Variants in NFATC2IP observed in about 807,000 individuals in gnomAD.
The protein encoded by NFATC2IP is nuclear factor of activated T cells 2 interacting protein.
In NFATC2IP, 25 loss-of-function variants were observed where a neutral mutation model predicts 40.2. The observed-to-expected ratio is 0.62, with a 90% CI of 0.45 to 0.87. The LOEUF is 0.87. NFATC2IP is among the 40% of genes least tolerant of loss of function. The pLI, the probability that NFATC2IP is intolerant of heterozygous loss-of-function variation, is 0.00. For missense variants in NFATC2IP, 553 were observed against 555.6 expected, an observed-to-expected ratio of 1.00 and a Z score of 0.05; for synonymous variants, 241 against 236.3, an observed-to-expected ratio of 1.02 and a Z score of -0.18.
At position 28,959,012 on chromosome 16, in the gene NFATC2IP, C is replaced by A. The variant is rs1044772728; in HGVS notation, c.1013C>A (p.Ser338Tyr). The change falls in exon 7 of 8, where the codon TCT (serine) becomes TAT (tyrosine). Residue 338 changes from serine to tyrosine, a missense_variant. By Grantham distance (144) the Ser-to-Tyr change is moderately radical (BLOSUM62 -2). Transcript: ENST00000320805. ...DIIDCVVLTS[S>Y]PEATETSQQL... ...ACAGACTGTGTGGTACTAACAAGTT[C>A]TCCAGAGGCCACAGAGACGTCCCAA... The A allele has an allele frequency of 1.2e-6, 2 of 1,613,812 alleles. No individual in the cohort carries two copies. The highest frequency in any genetic ancestry group is 2.7e-5 in the African/African-American group (2 of 74,918).
intron 4 of NFATC2IP, 41 bp downstream of exon 4, chr16:28,956,099 A>G (rs376505804): frequency 1.1e-5 from 18 of 1,613,424 alleles, no homozygotes; most frequent in Middle Eastern, 3.3e-4. Context: ...GAAGAGGGCA[A>G]TCCGGGAGGG....
intron 2 of NFATC2IP, among the ~76,000 whole-genome samples, chr16:28,953,581 G>A (rs926047197): frequency 9.9e-5 from 15 of 152,076 alleles, no homozygotes; most frequent in African/African-American, 2.9e-4. Context: ...TACTCAAAAC[G>A]TGGGCCCAGC....
chr16:28,954,592 T>C lies in NFATC2IP; in HGVS notation c.488T>C (p.Leu163Pro), dbSNP rs1965000511. 6.2e-7 allele frequency: 1 copy of C among 1,613,838 alleles called. No individual in the cohort carries two copies. Among genetic ancestry groups the C allele is most frequent in the Non-Finnish European group, 8.5e-7 (1 of 1,179,772 alleles). ...EEAELADSSG[L>P]YHEGSPSPGS... ...GCAGAGCTGGCAGATTCGAGTGGTC[T>C]CTACCATGAGGGCTCCCCATCACCA... Residue 163 changes from leucine (L) to proline (P), a missense_variant, in exon 3 of 8, where the codon CTC becomes CCC. By Grantham distance (98) the Leu-to-Pro change is moderately conservative. Transcript: ENST00000320805.
At chr16:28,954,393 G>A (rs1169979441) in intron 2 of NFATC2IP, among the ~76,000 whole-genome samples, 172 bp from the exon 3 acceptor site, 1 of 152,094 alleles carries the variant, frequency 6.6e-6, no homozygotes, top group Non-Finnish European at 1.5e-5. Context: ...CTAAATAGCA[G>A]TCTCATCCCC....
intron 7 of NFATC2IP, among the ~76,000 whole-genome samples, chr16:28,961,543 GTC>G (rs1965086990): frequency 6.6e-6 from 1 of 151,938 alleles, no homozygotes; most frequent in Non-Finnish European, 1.5e-5. Flanking sequence ...CAGAGCAAGT[GTC>G]TCTGAAGATA....
In NFATC2IP at chr16:28,958,847, T is replaced by C; in HGVS notation, c.977T>C (p.Val326Ala). 2 of 1,613,792 alleles carry C rather than the reference T, an allele frequency of 1.2e-6. No individual in the cohort carries two copies. Among genetic ancestry groups the C allele is most frequent in the Non-Finnish European group, 1.7e-6 (2 of 1,179,920 alleles). ...TATPRTLKLG[V>A]ADIIDCVVLT... Reference sequence around the variant, plus strand: ...ACTCCCAGGACCCTAAAGCTCGGAGTGGCTGACATCATTGGTGAGAGGAAG... The same window carrying C: ...ACTCCCAGGACCCTAAAGCTCGGAGCGGCTGACATCATTGGTGAGAGGAAG... Residue 326 changes from valine (V) to alanine (A), a missense_variant, in exon 6 of 8, where the codon GTG (valine) becomes GCG (alanine). Transcript: ENST00000320805.
In NFATC2IP at chr16:28,964,193, CTA is replaced by C. The variant is rs1965119542; in HGVS notation, c.*332_*333del. ...TCATGGAAATGTCTGCTTTATGAAA[CTA>C]TGCACATATTGAAAGTGAGTTGAAA... On this transcript the variant is annotated 3_prime_UTR_variant, in exon 8 of 8. Coordinates refer to ENST00000320805, the MANE Select transcript of NFATC2IP (RefSeq NM_032815.4). The C allele has an allele frequency of 7.2e-6, 2 of 278,924 alleles. No individual in the cohort carries two copies. Among genetic ancestry groups the C allele is most frequent in the Non-Finnish European group, 7.0e-6 (1 of 142,576 alleles). 17.3% of individuals were successfully genotyped at this position (278,924 alleles called of 1,614,324 possible).
chr16:28,951,385 T>G lies in NFATC2IP; in HGVS notation c.374T>G (p.Val125Gly), dbSNP rs1295945748. 7.1e-7 allele frequency: 1 copy of G among 1,398,698 alleles called. No individual in the cohort carries two copies. The highest frequency in any genetic ancestry group is 9.3e-7 in the Non-Finnish European group (1 of 1,078,840). 86.6% of individuals were successfully genotyped at this position (1,398,698 alleles called of 1,614,324 possible). Residue 125 changes from valine (V) to glycine (G), a missense_variant, in exon 1 of 8, where the codon GTG (valine) becomes GGG (glycine). Coordinates refer to ENST00000320805, the MANE Select transcript of NFATC2IP (RefSeq NM_032815.4). ...LDPGEAPLVPVYSGKVKSSLR... is the reference protein window; with the variant it reads ...LDPGEAPLVPGYSGKVKSSLR... ...CCGGGGGAGGCGCCGCTGGTTCCGG[T>G]GTACTCGGGGAAGGTGCGCCCGGTC...
chr16:28,954,651 G>A lies in NFATC2IP; in HGVS notation c.547G>A (p.Asp183Asn), dbSNP rs770902688. The A allele has an allele frequency of 3.7e-6, 6 of 1,613,562 alleles. No homozygotes were observed. The South Asian group carries it at 5.5e-5, about 15-fold the overall frequency. ...SPWKTKLRTKDKEEKKKTEFL... is the reference protein window; with the variant it reads ...SPWKTKLRTKNKEEKKKTEFL... ...CTGGAAGACAAAGCTGAGGACTAAG[G>A]ATAAAGAAGAGAAGAAAAAGACAGA... The change falls in exon 3 of 8, where the codon GAT becomes AAT. Residue 183 changes from aspartate (D) to asparagine (N), a missense_variant. Physicochemically the swap from Asp to Asn is conservative, Grantham distance 23. Transcript: ENST00000320805.
At position 28,951,365 on chromosome 16, in the gene NFATC2IP, G is replaced by A; in HGVS notation, c.354G>A (p.Gly118=). The A allele has an allele frequency of 1.4e-6, 2 of 1,408,860 alleles. No homozygotes were observed. The highest frequency in any genetic ancestry group is 1.5e-5 in the African/African-American group (1 of 65,672). The allele number at this position is 1,408,860 out of a possible 1,614,324, so 87.3% of individuals were successfully genotyped here. A position where few individuals can be genotyped will look rare whatever the true frequency, so the allele number is the denominator to read the frequency against. ...GGCGGCGGCTGGTGCTGGATCCGGG[G>A]GAGGCGCCGCTGGTTCCGGTGTACT... The part of the protein sequence containing the change: ...RRRRRLVLDP[G]EAPLVPVYSG... The change falls in exon 1 of 8, where the codon GGG becomes GGA. Residue 118 remains glycine, a synonymous_variant. Transcript: ENST00000320805.
intron 3 of NFATC2IP, among the ~76,000 whole-genome samples, chr16:28,955,251 CATTTGTGT>C (rs1313032030): frequency 6.6e-6 from 1 of 152,106 alleles, no homozygotes; most frequent in Non-Finnish European, 1.5e-5. Context: ...ATAATAGTGG[CATTTGTGT>C]CAATGAATTG....
chr16:28,957,482 A>C (rs1192552990), intron 5 of NFATC2IP: 2 of 151,938 alleles, frequency 1.3e-5, no homozygotes, highest in African/African-American at 4.8e-5. Flanking sequence ...GTCTCTACTA[A>C]AAATAAAAAA....
intron 7 of NFATC2IP, among the ~76,000 whole-genome samples, chr16:28,959,753 A>G (rs1461553802): frequency 6.6e-6 from 1 of 151,918 alleles, no homozygotes; most frequent in Non-Finnish European, 1.5e-5. Context: ...TTTTTAGTAG[A>G]GACAGGGTTT....
At position 28,964,771 on chromosome 16, in the gene NFATC2IP, T is replaced by G. The variant is rs1030102062; in HGVS notation, c.*908T>G. On this transcript the variant is annotated 3_prime_UTR_variant, in exon 8 of 8. Coordinates refer to ENST00000320805, the MANE Select transcript of NFATC2IP (RefSeq NM_032815.4). ...CAATGTGTGCTAAGATCTAGCCCCA[T>G]TGACTCTTCTAGAAATGCAGTATTG... The G allele has an allele frequency of 2.4e-4, 36 of 152,268 alleles. No individual in the cohort carries two copies. The highest frequency in any genetic ancestry group is 8.5e-4 in the Admixed American group (13 of 15,290). 9.4% of individuals were successfully genotyped at this position (152,268 alleles called of 1,614,324 possible). A position where few individuals can be genotyped will look rare whatever the true frequency, so the allele number is the denominator to read the frequency against.
chr16:28,953,937 C>T (rs1416908658), intron 2 of NFATC2IP, among the ~76,000 whole-genome samples: 2 of 148,782 alleles, frequency 1.3e-5, no homozygotes, highest in Admixed American at 6.7e-5. Context: ...AAAAGAAAAA[C>T]GAAATGCAGA....
At position 28,964,566 on chromosome 16, in the gene NFATC2IP, A is replaced by G. The variant is rs536850197; in HGVS notation, c.*703A>G. 1.4e-4 allele frequency: 22 copies of G among 152,478 alleles called. No individual in the cohort carries two copies. Among genetic ancestry groups the G allele is most frequent in the Admixed American group, 1.4e-3 (22 of 15,304 alleles). 9.4% of individuals were successfully genotyped at this position (152,478 alleles called of 1,614,324 possible). A position where few individuals can be genotyped will look rare whatever the true frequency, so the allele number is the denominator to read the frequency against. ...CTTTGGTTTGGGATCTCAGGAATAC[A>G]GTCCCATGCAAAGATTCTCTGGTTT... On this transcript the variant is annotated 3_prime_UTR_variant, in exon 8 of 8. Coordinates refer to ENST00000320805, the MANE Select transcript of NFATC2IP (RefSeq NM_032815.4).
Position 28,958,831 on chromosome 16 carries a change from A to G in NFATC2IP, c.961A>G (p.Thr321Ala). Residue 321 changes from threonine (T) to alanine (A), a missense_variant, in exon 6 of 8, where the codon ACC (threonine) becomes GCC (alanine). By Grantham distance (58) the Thr-to-Ala change is moderately conservative. Transcript: ENST00000320805. ...TELSPTATPR[T>A]LKLGVADIID... The stretch of plus-strand genomic sequence containing the variant: ...GCTATCACCTACTGCCACTCCCAGG[A>G]CCCTAAAGCTCGGAGTGGCTGACAT... 1 of 1,614,020 alleles carries G rather than the reference A, an allele frequency of 6.2e-7. No individual in the cohort carries two copies. Among genetic ancestry groups the G allele is most frequent in the Non-Finnish European group, 8.5e-7 (1 of 1,179,992 alleles).
At chr16:28,955,841 A>G (rs1965014265) in intron 3 of NFATC2IP, 137 bp from the exon 4 acceptor site, 1 of 708,052 alleles carries the variant, frequency 1.4e-6, no homozygotes, top group East Asian at 2.6e-5. Flanking sequence ...CTCCTGGCTC[A>G]GCCTCCAAAA....
chr16:28,960,693 A>G (rs891884566), intron 7 of NFATC2IP, among the ~76,000 whole-genome samples: 1 of 152,172 alleles, frequency 6.6e-6, no homozygotes. Flanking sequence ...CAGCACCTGT[A>G]ATCCTAGCTC....
Sources: gnomAD v4.1 joint callset for allele counts (sites outside exome capture counted in the v4.1 genomes callset) on GRCh38, gnomAD v4.1.1 for gene constraint, MANE v1.5 for transcripts, NCBI Gene and HGNC (gene_info 2026-07-23, HGNC 2026-07-21) for gene names.